The following PALS2 variants were observed in gnomAD, a reference collection of about 807,000 sequenced individuals.
PALS2 encodes protein PALS2.
Under a neutral mutation model 61.6 loss-of-function variants are expected in PALS2, and 27 were observed. The observed-to-expected ratio is 0.44, with a 90% CI of 0.32 to 0.60. PALS2 has a LOEUF of 0.60. Ranked by LOEUF, PALS2 falls within the 20% of genes least tolerant of loss-of-function variation. The pLI is 0.05. For synonymous variants in PALS2, 236 were observed against 218.6 expected (o/e 1.08, Z -0.70); for missense variants, 554 against 639.4 (o/e 0.87, Z 1.44).
chr7:24,668,862 C>A (rs1229508142), intron 9 of PALS2, among the ~76,000 whole-genome samples: 1 of 152,212 alleles, frequency 6.6e-6, no homozygotes, highest in African/African-American at 2.4e-5. Context: ...TGTTGGCTTG[C>A]TGTCTGGTGG....
At chr7:24,671,732 G>C (rs1326602799) in intron 9 of PALS2, among the ~76,000 whole-genome samples, 1 of 152,082 alleles carries the variant, frequency 6.6e-6, no homozygotes, top group African/African-American at 2.4e-5. Context: ...TGAGGAGGGG[G>C]TTCCAACTTT....
chr7:24,677,422 G>A (rs7809654), intron 9 of PALS2, among the ~76,000 whole-genome samples: 48,478 of 151,318 alleles, frequency 0.32, 11,004 homozygotes, highest in African/African-American at 0.65. Context: ...AATAGGAGTG[G>A]TGAGAGAGGG....
intron 1 of PALS2, among the ~76,000 whole-genome samples, chr7:24,599,022 G>A (rs1050191341): frequency 3.3e-5 from 5 of 152,136 alleles, no homozygotes; most frequent in East Asian, 1.9e-4. Context: ...GTTGAATGAG[G>A]CAGGAATAAA....
At chr7:24,594,440 T>C (rs1783422895) in intron 1 of PALS2, among the ~76,000 whole-genome samples, 1 of 152,180 alleles carries the variant, frequency 6.6e-6, no homozygotes, top group Non-Finnish European at 1.5e-5. Flanking sequence ...TCAGCCTCTT[T>C]GCTTTCAACT....
At chr7:24,592,483 G>A (rs1331030000) in intron 1 of PALS2, among the ~76,000 whole-genome samples, 2 of 152,024 alleles carry the variant, frequency 1.3e-5, no homozygotes, top group Non-Finnish European at 2.9e-5. Flanking sequence ...GATTCTGTAG[G>A]TGATGGGAAA....
chr7:24,655,245 C>T (rs1298582493), intron 5 of PALS2, among the ~76,000 whole-genome samples: 3 of 152,108 alleles, frequency 2.0e-5, no homozygotes, highest in Non-Finnish European at 4.4e-5. Flanking sequence ...TACGTATGTA[C>T]AGCTGGAAAC....
At position 24,689,655 on chromosome 7, in the gene PALS2, C is replaced by T. The variant is rs1788379779; in HGVS notation, c.*2041C>T. The T allele has an allele frequency of 6.8e-6, 1 of 147,804 alleles. No individual in the cohort carries two copies. Among genetic ancestry groups the T allele is most frequent in the Middle Eastern group, 3.3e-3 (1 of 302 alleles). 9.2% of individuals were successfully genotyped at this position (147,804 alleles called of 1,614,324 possible). On this transcript the variant is annotated 3_prime_UTR_variant, in exon 12 of 12. Coordinates refer to ENST00000222644, the MANE Select transcript of PALS2 (RefSeq NM_001303037.2). ...CAAATTCACGTTTCTTGTCCTAGGACAGGGAATTGGTGACAAAATGGATTA... is the reference window on the plus strand; with the variant it reads ...CAAATTCACGTTTCTTGTCCTAGGATAGGGAATTGGTGACAAAATGGATTA...
chr7:24,580,317 G>A (rs1452717205), intron 1 of PALS2, among the ~76,000 whole-genome samples: 1 of 152,122 alleles, frequency 6.6e-6, no homozygotes, highest in Non-Finnish European at 1.5e-5. Context: ...CTGGTATGGG[G>A]CAGGAGCATG....
chr7:24,580,893 A>G (rs1386741294), intron 1 of PALS2, among the ~76,000 whole-genome samples: 1 of 152,202 alleles, frequency 6.6e-6, no homozygotes, highest in Non-Finnish European at 1.5e-5. Flanking sequence ...TCCACACATT[A>G]TCTCATCTGC....
intron 5 of PALS2, among the ~76,000 whole-genome samples, chr7:24,655,706 G>A (rs1405293856): frequency 7.6e-6 from 1 of 132,058 alleles, no homozygotes; most frequent in East Asian, 2.5e-4. Context: ...GCGTGATCTT[G>A]GCTCACTGCA....
At chr7:24,646,239 AGG>A (rs986010976) in intron 3 of PALS2, among the ~76,000 whole-genome samples, 1 of 152,112 alleles carries the variant, frequency 6.6e-6, no homozygotes, top group Admixed American at 6.5e-5. Flanking sequence ...CTGGTTTTCA[AGG>A]GGAGTGCTTC....
chr7:24,672,872 C>T (rs1468418763), intron 9 of PALS2, among the ~76,000 whole-genome samples: 1 of 152,060 alleles, frequency 6.6e-6, no homozygotes, highest in Non-Finnish European at 1.5e-5. Flanking sequence ...TGTTTCTTTC[C>T]AATCTGGGTG....
At chr7:24,597,477 A>T (rs572407835) in intron 1 of PALS2, among the ~76,000 whole-genome samples, 10 of 152,302 alleles carry the variant, frequency 6.6e-5, no homozygotes, top group African/African-American at 2.4e-4. Flanking sequence ...GGTGGGGAAA[A>T]GGAGAGAGAT....
intron 11 of PALS2, among the ~76,000 whole-genome samples, chr7:24,681,226 C>A (rs901217354): frequency 2.0e-5 from 3 of 151,680 alleles, no homozygotes; most frequent in Non-Finnish European, 4.4e-5. Flanking sequence ...TTTTTCCTGT[C>A]TACTTTTTTA....
intron 1 of PALS2, chr7:24,620,195 C>A (rs182976488): frequency 6.6e-6 from 1 of 152,258 alleles, no homozygotes; most frequent in African/African-American, 2.4e-5. Context: ...AAGGTACCAG[C>A]TCAGATTCCA....
chr7:24,588,577 G>A (rs187145188), intron 1 of PALS2, among the ~76,000 whole-genome samples: 1 of 151,994 alleles, frequency 6.6e-6, no homozygotes, highest in Non-Finnish European at 1.5e-5. Context: ...AACCTCTTCT[G>A]ATTTTTTAGT....
intron 1 of PALS2, among the ~76,000 whole-genome samples, chr7:24,592,637 G>A (rs1188405244): frequency 1.3e-5 from 2 of 151,988 alleles, no homozygotes; most frequent in Non-Finnish European, 2.9e-5. Context: ...GTTCTGGACC[G>A]CTACAATAAA....
chr7:24,653,809 G>C (rs1786281217), intron 5 of PALS2, among the ~76,000 whole-genome samples: 1 of 152,190 alleles, frequency 6.6e-6, no homozygotes, highest in Admixed American at 6.5e-5. Context: ...GACATCTCTA[G>C]CAGCGAACAC....
intron 1 of PALS2, among the ~76,000 whole-genome samples, chr7:24,610,153 GT>G (rs1562612593): frequency 6.6e-6 from 1 of 152,022 alleles, no homozygotes; most frequent in East Asian, 1.9e-4. Flanking sequence ...AGTTTTCCAT[GT>G]ATTATTTAGC....
Sources: gnomAD v4.1 joint callset for allele counts (sites outside exome capture counted in the v4.1 genomes callset) on GRCh38, gnomAD v4.1.1 for gene constraint, MANE v1.5 for transcripts, NCBI Gene and HGNC (gene_info 2026-07-23, HGNC 2026-07-21) for gene names.